Variants in LMTK2 observed in about 807,000 individuals in gnomAD.
LMTK2 encodes the protein serine/threonine-protein kinase LMTK2.
In LMTK2, 37 loss-of-function variants were observed where a neutral mutation model predicts 127.5. That is an observed-to-expected ratio of 0.29 (90% CI 0.22 to 0.38). The LOEUF (loss-of-function observed/expected upper bound fraction) is 0.38. Ranked by LOEUF, LMTK2 falls within the 10% of genes least tolerant of loss-of-function variation. The pLI is 1.00. For synonymous variants in LMTK2, 819 were observed against 810.1 expected (o/e 1.01, Z -0.19); for missense variants, 1,694 against 1,920.3 (o/e 0.88, Z 2.20).
At position 98,206,608 on chromosome 7, in the gene LMTK2, G is replaced by C. The variant is rs1562926393; in HGVS notation, c.*1116G>C. ...TTCCTGTCAGTCCTTCCTTCAAGAA[G>C]CCGGGGAACTCAGGCAGACTCATCT... On this transcript the variant is annotated 3_prime_UTR_variant, in exon 14 of 14. Coordinates refer to ENST00000297293, the MANE Select transcript of LMTK2 (RefSeq NM_014916.4). 6.6e-6 allele frequency: 1 copy of C among 152,254 alleles called. No homozygotes were observed. The highest frequency in any genetic ancestry group is 1.5e-5 in the Non-Finnish European group (1 of 68,080). 9.4% of individuals were successfully genotyped at this position (152,254 alleles called of 1,614,324 possible).
Position 98,209,406 on chromosome 7 carries a change from A to G in LMTK2, c.*3914A>G, listed in dbSNP as rs1797857298. On this transcript the variant is annotated 3_prime_UTR_variant, in exon 14 of 14. Transcript: ENST00000297293. ...ATCCACCGTCGGATTCCGTCTGCAG[A>G]GGAGGACGTAGGGGGCCGTCACACC... 1 of 152,174 alleles carries G rather than the reference A, an allele frequency of 6.6e-6. No individual in the cohort carries two copies. Among genetic ancestry groups the G allele is most frequent in the Non-Finnish European group, 1.5e-5 (1 of 68,028 alleles). 9.4% of individuals were successfully genotyped at this position (152,174 alleles called of 1,614,324 possible). A position where few individuals can be genotyped will look rare whatever the true frequency, so the allele number is the denominator to read the frequency against.
chr7:98,198,856 T>C (rs2116477032), intron 11 of LMTK2, among the ~76,000 whole-genome samples: 1 of 152,318 alleles, frequency 6.6e-6, no homozygotes, highest in Non-Finnish European at 1.5e-5. Context: ...AATTTTAATG[T>C]GTGAGTTTTC....
intron 7 of LMTK2, among the ~76,000 whole-genome samples, chr7:98,183,900 G>A (rs1328460460): frequency 6.6e-6 from 1 of 152,196 alleles, no homozygotes; most frequent in Non-Finnish European, 1.5e-5. Context: ...GAATCCACCT[G>A]TTAGCAGTGG....
chr7:98,199,496 A>G (rs1248650474), intron 11 of LMTK2, among the ~76,000 whole-genome samples: 2 of 151,516 alleles, frequency 1.3e-5, no homozygotes, highest in African/African-American at 4.9e-5. Context: ...GAGCTGCTCC[A>G]GCTTTCTTTC....
intron 11 of LMTK2, among the ~76,000 whole-genome samples, chr7:98,202,715 T>TC (rs1317097927): frequency 6.6e-6 from 1 of 152,116 alleles, no homozygotes; most frequent in African/African-American, 2.4e-5. Context: ...CACCCCGGTC[T>TC]CCCCTGAGGT....
chr7:98,188,338 T>C (rs1797471498), intron 9 of LMTK2, among the ~76,000 whole-genome samples: 1 of 152,198 alleles, frequency 6.6e-6, no homozygotes. Flanking sequence ...TTATCCTCCT[T>C]TAGCTTCCAG....
At chr7:98,204,336 C>T in intron 13 of LMTK2, 150 bp downstream of exon 13, 6 of 1,062,234 alleles carry the variant, frequency 5.6e-6, no homozygotes, top group Non-Finnish European at 8.0e-6. Context: ...AAACTCCCAT[C>T]ATCAGCTGGG....
chr7:98,205,629 A>G lies in LMTK2; in HGVS notation c.*137A>G. ...AGGAAGAATCCAGAGGTGAAGAGGG[A>G]GACGGCTCTTAGCTGCGTTCAAGGC... On this transcript the variant is annotated 3_prime_UTR_variant, in exon 14 of 14. Transcript: ENST00000297293. 1 of 955,750 alleles carries G rather than the reference A, an allele frequency of 1.0e-6. No individual in the cohort carries two copies. The highest frequency in any genetic ancestry group is 1.4e-5 in the South Asian group (1 of 70,256). 59.2% of individuals were successfully genotyped at this position (955,750 alleles called of 1,614,324 possible). A position where few individuals can be genotyped will look rare whatever the true frequency, so the allele number is the denominator to read the frequency against.
intron 7 of LMTK2, among the ~76,000 whole-genome samples, chr7:98,172,885 G>A (rs1797214569): frequency 6.6e-6 from 1 of 152,130 alleles, no homozygotes; most frequent in South Asian, 2.1e-4. Flanking sequence ...AGCCTTCCGA[G>A]TAGCTGGGGC....
intron 1 of LMTK2, among the ~76,000 whole-genome samples, chr7:98,110,063 A>G (rs1010988675): frequency 1.3e-5 from 2 of 152,174 alleles, no homozygotes; most frequent in Non-Finnish European, 2.9e-5. Flanking sequence ...AAATAAGGAT[A>G]GACCCATTTC....
chr7:98,121,872 G>T (rs922100096), intron 1 of LMTK2, among the ~76,000 whole-genome samples: 13 of 152,034 alleles, frequency 8.6e-5, no homozygotes, highest in African/African-American at 3.1e-4. Context: ...GGGTGTGGTG[G>T]TGTGCACCTG....
At chr7:98,167,508 G>T (rs1797118932) in intron 6 of LMTK2, among the ~76,000 whole-genome samples, 2 of 152,250 alleles carry the variant, frequency 1.3e-5, no homozygotes, top group South Asian at 4.1e-4. Context: ...CAGCAGCGGA[G>T]GCATGGGAGG....
At chr7:98,114,543 G>C (rs943375055) in intron 1 of LMTK2, among the ~76,000 whole-genome samples, 1 of 152,106 alleles carries the variant, frequency 6.6e-6, no homozygotes. Flanking sequence ...CTGCACCTGG[G>C]TAGTTTTAAT....
At chr7:98,151,585 A>G (rs896118528) in intron 4 of LMTK2, 130 bp downstream of exon 4, 26 of 685,160 alleles carry the variant, frequency 3.8e-5, no homozygotes, top group Non-Finnish European at 6.1e-5. Context: ...GAGTTTCCCC[A>G]TTCCCCCTGT....
At chr7:98,116,548 A>T (rs1369117774) in intron 1 of LMTK2, among the ~76,000 whole-genome samples, 1 of 151,726 alleles carries the variant, frequency 6.6e-6, no homozygotes, top group Non-Finnish European at 1.5e-5. Flanking sequence ...GGATGAGGCC[A>T]TTTATAGTTT....
chr7:98,202,909 G>A (rs189914859), intron 11 of LMTK2, among the ~76,000 whole-genome samples: 187 of 152,264 alleles, frequency 1.2e-3, no homozygotes, highest in African/African-American at 4.3e-3. Context: ...TTAGTTACAC[G>A]ATGTGCCATA....
chr7:98,199,965 C>T (rs1007672656), intron 11 of LMTK2, among the ~76,000 whole-genome samples: 1 of 151,990 alleles, frequency 6.6e-6, no homozygotes, highest in African/African-American at 2.4e-5. Flanking sequence ...GATCATTTAC[C>T]TTTAATAAAA....
intron 11 of LMTK2, among the ~76,000 whole-genome samples, chr7:98,201,374 A>G (rs1797701332): frequency 6.6e-6 from 1 of 152,216 alleles, no homozygotes; most frequent in East Asian, 1.9e-4. Context: ...CCAGTTCAGC[A>G]TCCCAAATCT....
intron 4 of LMTK2, among the ~76,000 whole-genome samples, chr7:98,153,559 C>T (rs1796886874): frequency 6.6e-6 from 1 of 152,196 alleles, no homozygotes. Flanking sequence ...AGACAACCCT[C>T]TTGAAGAGTT....
Sources: allele counts gnomAD v4.1 joint callset (sites outside exome capture counted in the v4.1 genomes callset), GRCh38; gene constraint gnomAD v4.1.1; transcripts MANE v1.5; gene names NCBI Gene and HGNC (gene_info 2026-07-23, HGNC 2026-07-21).